The following RIIAD1 variants were observed in gnomAD, a reference collection of about 807,000 sequenced individuals.
RIIAD1 encodes regulatory subunit of type II PKA R-subunit domain containing 1, also known as RIIa domain-containing protein 1.
In RIIAD1, 15 loss-of-function variants were observed where a neutral mutation model predicts 13.3. The ratio of observed to expected loss-of-function variants is 1.13; its 90% CI spans 0.76 to 1.74. The LOEUF is 1.74. Among genes scored for constraint, RIIAD1 ranks in the 40% most tolerant of loss-of-function variants. The pLI is 0.00. For synonymous variants in RIIAD1, 50 were observed against 43.3 expected, an observed-to-expected ratio of 1.16 and a Z score of -0.61; for missense variants, 121 against 112.2, an observed-to-expected ratio of 1.08 and a Z score of -0.35.
At chr1:151,723,778 TA>T (rs1402369048) in intron 2 of RIIAD1, among the ~76,000 whole-genome samples, 1 of 152,152 alleles carries the variant, frequency 6.6e-6, no homozygotes, top group African/African-American at 2.4e-5. Flanking sequence ...AGAGGGCAGA[TA>T]GGGGAAGGAA....
At chr1:151,728,467 C>T (rs1030909828) in intron 3 of RIIAD1, 26 of 382,624 alleles carry the variant, frequency 6.8e-5, no homozygotes, top group African/African-American at 3.0e-4. Context: ...GCAAACGGTG[C>T]GACTCGGGGT....
upstream of RIIAD1, among the ~76,000 whole-genome samples, chr1:151,720,408 C>G (rs1028107361): frequency 6.6e-6 from 1 of 152,128 alleles, no homozygotes; most frequent in African/African-American, 2.4e-5. Context: ...TCTATTAACT[C>G]TCTCTCTTAA....
chr1:151,725,473 TC>T (rs1185612806), intron 2 of RIIAD1, among the ~76,000 whole-genome samples: 3 of 152,154 alleles, frequency 2.0e-5, no homozygotes, highest in Non-Finnish European at 2.9e-5. Flanking sequence ...TTTTAAAAAT[TC>T]TATTGAAATA....
chr1:151,719,236 G>A (rs1673692626), upstream of RIIAD1, among the ~76,000 whole-genome samples: 1 of 152,096 alleles, frequency 6.6e-6, no homozygotes, highest in Non-Finnish European at 1.5e-5. Context: ...ACACATCTCT[G>A]GTGTTCTTTC....
intron 2 of RIIAD1, among the ~76,000 whole-genome samples, chr1:151,713,145 T>C (rs1050743868): frequency 6.6e-6 from 1 of 152,202 alleles, no homozygotes; most frequent in African/African-American, 2.4e-5. Context: ...TTCTGTCCCC[T>C]GGGACAAGGG....
At chr1:151,712,139 G>A (rs1373328067) in intron 2 of RIIAD1, 1 of 152,218 alleles carries the variant, frequency 6.6e-6, no homozygotes, top group Non-Finnish European at 1.5e-5. Flanking sequence ...CCCCTCCCCT[G>A]AGTCCAGCTG....
chr1:151,723,872 C>A (rs1203867789), intron 2 of RIIAD1, among the ~76,000 whole-genome samples: 1 of 152,172 alleles, frequency 6.6e-6, no homozygotes, highest in Non-Finnish European at 1.5e-5. Context: ...GATCCTCTGT[C>A]AATATCAGAC....
intron 4 of RIIAD1, chr1:151,715,927 G>C: frequency 6.2e-7 from 1 of 1,614,106 alleles, no homozygotes; most frequent in Non-Finnish European, 8.5e-7. Flanking sequence ...TCAAAGATCC[G>C]ACCAAACTGT....
At chr1:151,715,841 AC>A (rs776983039) in intron 4 of RIIAD1, 3 of 1,591,556 alleles carry the variant, frequency 1.9e-6, no homozygotes, top group Non-Finnish European at 2.6e-6. Context: ...CTCCCAGCCC[AC>A]CCCGAAGCCT....
At chr1:151,719,762 A>G, upstream of RIIAD1, 2 of 649,008 alleles carry the variant, frequency 3.1e-6, no homozygotes, top group Admixed American at 2.5e-5. Flanking sequence ...AGCCCCTCTC[A>G]TACATGGGCA....
At chr1:151,728,463 G>A (rs1673870162) in intron 3 of RIIAD1, 1 of 382,586 alleles carries the variant, frequency 2.6e-6, no homozygotes, top group Non-Finnish European at 4.6e-6. Flanking sequence ...AGGAGCAAAC[G>A]GTGCGACTCG....
In RIIAD1 at chr1:151,721,568, C is replaced by T; in HGVS notation, c.32C>T (p.Pro11Leu). 3.8e-6 allele frequency: 5 copies of T among 1,326,032 alleles called. No homozygotes were observed. The highest frequency in any genetic ancestry group is 3.8e-5 in the Admixed American group (1 of 26,096). The allele number at this position is 1,326,032 out of a possible 1,614,324, so 82.1% of individuals were successfully genotyped here. METLPGLLQRPDPGALSAAQL... is the reference protein window; with the variant it reads METLPGLLQRLDPGALSAAQL... ...ACGCTGCCAGGCTTGCTGCAGCGGC[C>T]CGACCCCGGGGCGCTTAGCGCAGCG... Residue 11 changes from proline to leucine, a missense_variant, in exon 1 of 5, where the codon CCC becomes CTC. Physicochemically the swap from Pro to Leu is moderately conservative, Grantham distance 98. Transcript: ENST00000479191.
At chr1:151,714,462 T>C (rs1388051860) in exon 4 of RIIAD1, 1 of 736,720 alleles carries the variant, frequency 1.4e-6, no homozygotes, top group Non-Finnish European at 2.5e-6. Flanking sequence ...AGATGGATGC[T>C]ACAGAGAGAG....
chr1:151,715,810 C>A, intron 4 of RIIAD1: 1 of 1,595,318 alleles, frequency 6.3e-7, no homozygotes, highest in Non-Finnish European at 8.5e-7. Flanking sequence ...ACCCCTCCAG[C>A]CTGGCTTAAC....
chr1:151,716,684 C>T (rs2101495299), upstream of RIIAD1: 1 of 381,702 alleles, frequency 2.6e-6, no homozygotes, highest in Non-Finnish European at 5.5e-6. Context: ...CCTCCCACCC[C>T]CACCCCAGTC....
At chr1:151,716,271 A>C in intron 4 of RIIAD1, 2 of 449,334 alleles carry the variant, frequency 4.5e-6, no homozygotes, top group Non-Finnish European at 7.9e-6. Context: ...TAAACAAACG[A>C]TCTCCCTCCC....
At chr1:151,728,605 C>T (rs1335241694) in intron 3 of RIIAD1, 161 bp from the exon 4 acceptor site, 8 of 609,434 alleles carry the variant, frequency 1.3e-5, no homozygotes, top group African/African-American at 7.4e-5. Flanking sequence ...GGGCAGTGAC[C>T]GTTCATTTTA....
intron 3 of RIIAD1, chr1:151,714,323 T>C: frequency 1.7e-6 from 1 of 602,578 alleles, no homozygotes; most frequent in East Asian, 2.8e-5. Context: ...CCCTCTAGTG[T>C]TGCCCCATGG....
chr1:151,711,687 G>A (rs572420874), intron 1 of RIIAD1, among the ~76,000 whole-genome samples: 1 of 152,290 alleles, frequency 6.6e-6, no homozygotes, highest in African/African-American at 2.4e-5. Flanking sequence ...TCTAGCCAAA[G>A]CACTCAGGAA....
Sources: allele counts gnomAD v4.1 joint callset (sites outside exome capture counted in the v4.1 genomes callset), GRCh38; gene constraint gnomAD v4.1.1; transcripts MANE v1.5; gene names NCBI Gene and HGNC (gene_info 2026-07-23, HGNC 2026-07-21).